RPSA2: variants seen among roughly 807,000 people sequenced by gnomAD.
RPSA2 encodes small ribosomal subunit protein uS2B.
At chr19:23,840,283 C>A in the RPSA2 span, among the ~76,000 whole-genome samples, 3 of 152,188 alleles carry the variant, frequency 2.0e-5, no homozygotes, top group Non-Finnish European at 4.4e-5. Flanking sequence ...TAAAATAATT[C>A]TCCCCTATGT....
the RPSA2 span, among the ~76,000 whole-genome samples, chr19:23,861,384 C>A: frequency 6.6e-6 from 1 of 151,930 alleles, no homozygotes. Context: ...ATAAGAGAGC[C>A]CCCCCACTAC....
chr19:23,865,473 G>A, the RPSA2 span, among the ~76,000 whole-genome samples: 3 of 152,208 alleles, frequency 2.0e-5, no homozygotes, highest in South Asian at 4.2e-4. Context: ...TTTTCTGCTT[G>A]GGGTTTGGTT....
chr19:23,787,078 T>C, the RPSA2 span, among the ~76,000 whole-genome samples: 2 of 152,150 alleles, frequency 1.3e-5, no homozygotes, highest in Non-Finnish European at 2.9e-5. Context: ...TGGTCCCTGC[T>C]TACAGAGAAA....
At chr19:23,826,930 T>C in the RPSA2 span, 2 of 527,764 alleles carry the variant, frequency 3.8e-6, no homozygotes, top group Admixed American at 6.3e-5. Context: ...TACCTTGTGA[T>C]CTGCCTGCCT....
the RPSA2 span, among the ~76,000 whole-genome samples, chr19:23,836,479 G>C: frequency 6.6e-6 from 1 of 152,134 alleles, no homozygotes; most frequent in Non-Finnish European, 1.5e-5. Flanking sequence ...CTAGAAATAT[G>C]CATGTGCAAG....
the RPSA2 span, among the ~76,000 whole-genome samples, chr19:23,773,971 A>G: frequency 4.0e-5 from 5 of 125,928 alleles, no homozygotes; most frequent in Admixed American, 9.0e-5. Flanking sequence ...TTTAATTGTA[A>G]CATTTTCAGC....
the RPSA2 span, among the ~76,000 whole-genome samples, chr19:23,864,965 C>A: frequency 3.3e-5 from 5 of 152,158 alleles, no homozygotes; most frequent in Non-Finnish European, 7.3e-5. Context: ...AAGCAAGGAG[C>A]CCTCTGACCT....
chr19:23,804,599 C>T, the RPSA2 span, among the ~76,000 whole-genome samples: 1 of 152,080 alleles, frequency 6.6e-6, no homozygotes. Flanking sequence ...CCGGCCTGTG[C>T]CTCATTTTTC....
the RPSA2 span, chr19:23,827,659 G>A: frequency 3.8e-6 from 6 of 1,597,250 alleles, no homozygotes; most frequent in Admixed American, 1.7e-5. Context: ...GCAACAACAA[G>A]GGAGCTCACT....
the RPSA2 span, among the ~76,000 whole-genome samples, chr19:23,759,260 A>G: frequency 6.6e-6 from 1 of 152,072 alleles, no homozygotes; most frequent in Non-Finnish European, 1.5e-5. Context: ...TGGCAGCCAT[A>G]GTCCCTACCC....
the RPSA2 span, among the ~76,000 whole-genome samples, chr19:23,864,743 G>T: frequency 6.6e-6 from 1 of 152,292 alleles, no homozygotes; most frequent in Middle Eastern, 3.4e-3. Context: ...GCACGCATAT[G>T]CTTAGGTCAC....
At chr19:23,808,897 G>A in the RPSA2 span, 2 of 357,018 alleles carry the variant, frequency 5.6e-6, no homozygotes, top group African/African-American at 2.2e-5. Context: ...GATTTGGGAA[G>A]CTGTGTTCAA....
chr19:23,773,668 G>A, the RPSA2 span, among the ~76,000 whole-genome samples: 1 of 152,060 alleles, frequency 6.6e-6, no homozygotes, highest in Non-Finnish European at 1.5e-5. Flanking sequence ...TTGAAGTTCT[G>A]ACTCTCACAC....
At chr19:23,823,309 A>G in the RPSA2 span, among the ~76,000 whole-genome samples, 1 of 152,038 alleles carries the variant, frequency 6.6e-6, no homozygotes, top group Non-Finnish European at 1.5e-5. Context: ...GACCAATTAA[A>G]CCATCCCCCT....
chr19:23,851,260 A>T, the RPSA2 span, among the ~76,000 whole-genome samples: 1 of 152,222 alleles, frequency 6.6e-6, no homozygotes, highest in Non-Finnish European at 1.5e-5. Flanking sequence ...TTGGAAGTAT[A>T]AAAACTTGGC....
At chr19:23,827,689 G>A in the RPSA2 span, 1 of 1,594,452 alleles carries the variant, frequency 6.3e-7, no homozygotes, top group Non-Finnish European at 8.5e-7. Context: ...TGATGTGGTG[G>A]ATGCTGGCTC....
chr19:23,849,542 G>C, the RPSA2 span, among the ~76,000 whole-genome samples: 24 of 152,164 alleles, frequency 1.6e-4, no homozygotes, highest in Non-Finnish European at 8.8e-5. Flanking sequence ...AATTTCCAAA[G>C]TTCTGGGTGT....
the RPSA2 span, among the ~76,000 whole-genome samples, chr19:23,819,790 G>A: frequency 6.6e-6 from 1 of 152,154 alleles, no homozygotes; most frequent in East Asian, 1.9e-4. Flanking sequence ...CCTTAGATGA[G>A]TTTCTTGGCA....
At chr19:23,766,222 G>A in the RPSA2 span, among the ~76,000 whole-genome samples, 1 of 142,698 alleles carries the variant, frequency 7.0e-6, no homozygotes, top group African/African-American at 2.6e-5. Flanking sequence ...GTGCAGTCTC[G>A]GCTCACTACA....
Sources: gnomAD v4.1 joint callset for allele counts (sites outside exome capture counted in the v4.1 genomes callset) on GRCh38, gnomAD v4.1.1 for gene constraint, MANE v1.5 for transcripts, NCBI Gene and HGNC (gene_info 2026-07-23, HGNC 2026-07-21) for gene names.